The following CRTC1 variants were observed in gnomAD, a reference collection of about 807,000 sequenced individuals.
CRTC1 encodes CREB regulated transcription coactivator 1.
A neutral mutation model predicts 66.1 loss-of-function variants in CRTC1; 18 were observed. That is an observed-to-expected ratio of 0.27 (90% CI 0.19 to 0.40). The LOEUF is 0.40. Among genes scored for constraint, CRTC1 ranks in the 10% least tolerant of loss-of-function variants. The pLI, the probability that CRTC1 is intolerant of heterozygous loss-of-function variation, is 1.00. For synonymous variants in CRTC1, 416 were observed against 398.8 expected (o/e 1.04, Z -0.51); for missense variants, 669 against 887.9 (o/e 0.75, Z 3.13).
intron 1 of CRTC1, among the ~76,000 whole-genome samples, chr19:18,686,139 T>G (rs1046441785): frequency 4.6e-5 from 7 of 152,090 alleles, no homozygotes; most frequent in South Asian, 2.1e-4. Context: ...AGCTGTCTTC[T>G]GTCTCTGTGG....
At chr19:18,770,577 G>A (rs533904939) in intron 10 of CRTC1, among the ~76,000 whole-genome samples, 1 of 152,400 alleles carries the variant, frequency 6.6e-6, no homozygotes, top group South Asian at 2.1e-4. Flanking sequence ...GTGTGTGTGT[G>A]TGGGTTGTGG....
rs999913967 is a variant in CRTC1, at chr19:18,745,870, C to T, written c.291C>T (p.His97=). The change falls in exon 3 of 14, where the codon CAC becomes CAT. Residue 97 remains histidine, a synonymous_variant. Transcript: ENST00000321949. The part of the protein sequence containing the change: ...SGLDTSRTTR[H]HGLVDRVYRE... The stretch of plus-strand genomic sequence containing the variant: ...TGGACACCAGCCGGACCACCCGGCA[C>T]CATGGGCTGGTGGACAGGGTGTACC... 1 of 1,613,676 alleles carries T rather than the reference C, an allele frequency of 6.2e-7. No individual in the cohort carries two copies. The highest frequency in any genetic ancestry group is 1.3e-5 in the African/African-American group (1 of 74,934).
intron 13 of CRTC1, among the ~76,000 whole-genome samples, chr19:18,776,726 T>C (rs1266752592): frequency 6.6e-6 from 1 of 152,208 alleles, no homozygotes; most frequent in African/African-American, 2.4e-5. Flanking sequence ...AGCCTAGGTT[T>C]GAACCCGGGT....
Position 18,771,667 on chromosome 19 carries a change from C to CTCCTCATGCATGTCCTCATG in CRTC1, c.1425+121_1425+122insTCCTCATGCATGTCCTCATG. ...CTCCTCATGCATGTCCTCATGCATC[C>CTCCTCATGCATGTCCTCATG]CATCCCGTCCACGCCATCGGACCTG... On this transcript the variant is annotated intron_variant, in intron 11 of 13. Coordinates refer to ENST00000321949, the MANE Select transcript of CRTC1 (RefSeq NM_015321.3). The surrounding 1 kb of genome is among the most constrained non-coding windows in gnomAD (Gnocchi z 4.6). 1.3e-6 allele frequency: 1 copy of CTCCTCATGCATGTCCTCATG among 754,084 alleles called. No individual in the cohort carries two copies. Among genetic ancestry groups the CTCCTCATGCATGTCCTCATG allele is most frequent in the Non-Finnish European group, 2.2e-6 (1 of 446,678 alleles). 46.7% of individuals were successfully genotyped at this position (754,084 alleles called of 1,614,324 possible).
At chr19:18,697,911 A>G (rs1308467584) in intron 1 of CRTC1, among the ~76,000 whole-genome samples, 2 of 152,266 alleles carry the variant, frequency 1.3e-5, no homozygotes, top group African/African-American at 4.8e-5. Context: ...TATTTAGCAG[A>G]TGTTCAGTAG....
chr19:18,763,189 C>T (rs2054653551), intron 8 of CRTC1, among the ~76,000 whole-genome samples: 1 of 151,502 alleles, frequency 6.6e-6, no homozygotes, highest in African/African-American at 2.4e-5. Context: ...CAACCTTCGC[C>T]TCCCAGTCCC....
chr19:18,772,953 T>C (rs1266839190), intron 11 of CRTC1, among the ~76,000 whole-genome samples: 1 of 152,134 alleles, frequency 6.6e-6, no homozygotes. Context: ...GTGAGGTCCC[T>C]CTTGCATGTG....
At chr19:18,753,919 G>T (rs1003146286) in intron 6 of CRTC1, among the ~76,000 whole-genome samples, 5 of 152,066 alleles carry the variant, frequency 3.3e-5, no homozygotes, top group Non-Finnish European at 5.9e-5. Context: ...GGCCAACATG[G>T]TGAAACCCTG....
At chr19:18,719,799 T>C (rs764617004) in intron 1 of CRTC1, among the ~76,000 whole-genome samples, 23 of 152,244 alleles carry the variant, frequency 1.5e-4, no homozygotes, top group Non-Finnish European at 2.8e-4. Flanking sequence ...GGGCCTCCTC[T>C]GCCGTGTCTG....
intron 1 of CRTC1, among the ~76,000 whole-genome samples, chr19:18,718,638 C>T (rs2053558715): frequency 6.6e-6 from 1 of 152,114 alleles, no homozygotes; most frequent in African/African-American, 2.4e-5. Context: ...CCACCGTGCC[C>T]AGCCTTCATT....
chr19:18,700,916 C>T (rs1172487377), intron 1 of CRTC1, among the ~76,000 whole-genome samples: 1 of 152,250 alleles, frequency 6.6e-6, no homozygotes, highest in Non-Finnish European at 1.5e-5. Flanking sequence ...CCATTGAGTC[C>T]TTTCGCATCT....
At chr19:18,716,402 C>T (rs951498867) in intron 1 of CRTC1, among the ~76,000 whole-genome samples, 13 of 152,176 alleles carry the variant, frequency 8.5e-5, no homozygotes, top group African/African-American at 3.1e-4. Flanking sequence ...CAGGCGTCTG[C>T]CACCACACCC....
Position 18,781,582 on chromosome 19 carries a change from T to C in CRTC1, c.*4200T>C. ...CTCCCCCTGGGAGCAGGAGGTGGAG[T>C]AAGTTGTACCCCCAGGCCTGGGTGC... On this transcript the variant is annotated 3_prime_UTR_variant, in exon 14 of 14. Coordinates refer to ENST00000321949, the MANE Select transcript of CRTC1 (RefSeq NM_015321.3). 4.4e-6 allele frequency: 1 copy of C among 228,500 alleles called. No individual in the cohort carries two copies. The highest frequency in any genetic ancestry group is 8.7e-6 in the Non-Finnish European group (1 of 115,402). The allele number at this position is 228,500 out of a possible 1,614,324, so 14.2% of individuals were successfully genotyped here. A position where few individuals can be genotyped will look rare whatever the true frequency, so the allele number is the denominator to read the frequency against.
rs117770608 is a variant in CRTC1 at position 18,742,927 on chromosome 19, C to T, written c.144C>T (p.Ser48=). 147 of 1,613,732 alleles carry T rather than the reference C, an allele frequency of 9.1e-5. 1 individual carries two copies. The East Asian group carries it at 2.1e-3, about 23-fold the overall frequency. The part of the protein sequence containing the change: ...TRAARLQLQK[S]QYLQLGPSRG... Reference sequence around the variant, plus strand: ...TCTCGCAGCTCCAGCTCCAGAAATCCCAGTACCTGCAACTGGGCCCCAGCC... The same window carrying T: ...TCTCGCAGCTCCAGCTCCAGAAATCTCAGTACCTGCAACTGGGCCCCAGCC... The change falls in exon 2 of 14, where the codon TCC becomes TCT. Residue 48 remains serine (S), a synonymous_variant. Transcript: ENST00000321949.
In CRTC1 at chr19:18,780,735, C is replaced by T. The variant is rs1417067146; in HGVS notation, c.*3353C>T. 2.3e-5 allele frequency: 5 copies of T among 216,396 alleles called. No homozygotes were observed. The Admixed American group carries it at 2.9e-4, about 13-fold the overall frequency. 13.4% of individuals were successfully genotyped at this position (216,396 alleles called of 1,614,324 possible). On this transcript the variant is annotated 3_prime_UTR_variant, in exon 14 of 14. Coordinates refer to ENST00000321949, the MANE Select transcript of CRTC1 (RefSeq NM_015321.3). ...TTAGAGATGGGGTCTTGCTGTGTTG[C>T]CCAGGCTGGTCTCGGACTCCTGGGC...
rs368416378 is a variant in CRTC1 at position 18,774,992 on chromosome 19, C to T, written c.1512+6C>T. 1.4e-5 allele frequency: 23 copies of T among 1,602,448 alleles called. No homozygotes were observed. The highest frequency in any genetic ancestry group is 6.7e-5 in the African/African-American group (5 of 74,894). On this transcript the variant is annotated splice_donor_region_variant and intron_variant, in intron 12 of 13. Coordinates refer to ENST00000321949, the MANE Select transcript of CRTC1 (RefSeq NM_015321.3). ...CCAATGCTCTGTCCCACCAGGTGAGCGGGCGCCCAGGCTGCCAGCCGGCCG... is the reference window on the plus strand; with the variant it reads ...CCAATGCTCTGTCCCACCAGGTGAGTGGGCGCCCAGGCTGCCAGCCGGCCG...
chr19:18,699,578 C>A (rs2053080048), intron 1 of CRTC1, among the ~76,000 whole-genome samples: 1 of 152,184 alleles, frequency 6.6e-6, no homozygotes, highest in South Asian at 2.1e-4. Context: ...TGAGCATCTC[C>A]TGTGAGCTGG....
chr19:18,744,364 TG>T (rs2054182638), intron 2 of CRTC1, among the ~76,000 whole-genome samples: 1 of 152,172 alleles, frequency 6.6e-6, no homozygotes. Context: ...CGAGAGGCCC[TG>T]GGGACTCTTG....
At chr19:18,706,413 C>T (rs1470685335) in intron 1 of CRTC1, among the ~76,000 whole-genome samples, 4 of 151,544 alleles carry the variant, frequency 2.6e-5, no homozygotes, top group African/African-American at 9.7e-5. Flanking sequence ...ACCATGTTGG[C>T]CAGGCTAGTC....
Sources: allele counts gnomAD v4.1 joint callset (sites outside exome capture counted in the v4.1 genomes callset), GRCh38; gene constraint gnomAD v4.1.1; non-coding constraint Gnocchi (gnomAD v3.1); transcripts MANE v1.5; gene names NCBI Gene and HGNC (gene_info 2026-07-23, HGNC 2026-07-21).